The following PRICKLE2 variants were observed in gnomAD, a reference collection of about 807,000 sequenced individuals.
PRICKLE2 encodes prickle planar cell polarity protein 2, also known as prickle-like protein 2.
Under a neutral mutation model 81.4 loss-of-function variants are expected in PRICKLE2, and 21 were observed. The observed-to-expected ratio is 0.26, with a 90% CI of 0.18 to 0.37. PRICKLE2 has a LOEUF of 0.37. Among genes scored for constraint, PRICKLE2 ranks in the 10% least tolerant of loss-of-function variants. PRICKLE2 has a pLI of 1.00. For missense variants in PRICKLE2, 940 were observed against 1,109.0 expected (o/e 0.85, Z 2.16); for synonymous variants, 456 against 421.5 (o/e 1.08, Z -1.00).
intron 2 of PRICKLE2, among the ~76,000 whole-genome samples, chr3:64,257,873 G>T (rs1466891710): frequency 6.6e-6 from 1 of 152,100 alleles, no homozygotes; most frequent in Non-Finnish European, 1.5e-5. Context: ...AGGTGATTAG[G>T]TCATGAGGAT....
intron 2 of PRICKLE2, among the ~76,000 whole-genome samples, chr3:64,242,090 T>C (rs1338047312): frequency 1.3e-5 from 2 of 152,126 alleles, no homozygotes; most frequent in Non-Finnish European, 2.9e-5. Context: ...AATTATCTTT[T>C]CTCTTTTTTG....
At chr3:64,264,607 A>G (rs1415250905) in intron 2 of PRICKLE2, among the ~76,000 whole-genome samples, 1 of 152,220 alleles carries the variant, frequency 6.6e-6, no homozygotes, top group African/African-American at 2.4e-5. Context: ...TCTAACATCC[A>G]ACTCAACAGA....
intron 1 of PRICKLE2, among the ~76,000 whole-genome samples, chr3:64,222,994 T>C (rs1457809076): frequency 2.6e-5 from 4 of 152,224 alleles, no homozygotes; most frequent in Admixed American, 2.0e-4. Context: ...AATACAGTAG[T>C]TCTGGATAAT....
At chr3:64,265,232 C>T (rs1206783210) in intron 2 of PRICKLE2, among the ~76,000 whole-genome samples, 1 of 152,118 alleles carries the variant, frequency 6.6e-6, no homozygotes, top group African/African-American at 2.4e-5. Context: ...AAAAGAATTC[C>T]TCACCATTCA....
At chr3:64,131,405 C>T (rs1422222281) in intron 7 of PRICKLE2, among the ~76,000 whole-genome samples, 1 of 152,206 alleles carries the variant, frequency 6.6e-6, no homozygotes, top group East Asian at 1.9e-4. Flanking sequence ...TAAGGACCAA[C>T]AGAAATATCC....
intron 2 of PRICKLE2, among the ~76,000 whole-genome samples, chr3:64,233,283 A>G (rs1295536746): frequency 2.7e-5 from 4 of 148,476 alleles, no homozygotes; most frequent in South Asian, 2.1e-4. Context: ...CCTTCAGTCT[A>G]TTCACAAAAC....
chr3:64,231,844 G>T (rs2079109350), intron 2 of PRICKLE2, among the ~76,000 whole-genome samples: 1 of 152,148 alleles, frequency 6.6e-6, no homozygotes. Context: ...GAGGATAAAA[G>T]AATGATGCAA....
At chr3:64,153,420 T>A (rs761531163) in intron 5 of PRICKLE2, 52 bp from the exon 6 acceptor site, 4 of 1,580,590 alleles carry the variant, frequency 2.5e-6, no homozygotes, top group Non-Finnish European at 3.5e-6. Flanking sequence ...CCAGAACATA[T>A]TTTAAAGGAA....
At chr3:64,182,681 A>G (rs1207300141) in intron 2 of PRICKLE2, 1 of 152,108 alleles carries the variant, frequency 6.6e-6, no homozygotes, top group Non-Finnish European at 1.5e-5. Context: ...TGAGAGAATA[A>G]ATTTCTGGTC....
intron 1 of PRICKLE2, among the ~76,000 whole-genome samples, chr3:64,223,424 A>G (rs1172089332): frequency 6.6e-6 from 1 of 152,146 alleles, no homozygotes; most frequent in African/African-American, 2.4e-5. Flanking sequence ...ATCTCATACT[A>G]TCTAACCTCT....
chr3:64,225,439 G>A lies in PRICKLE2; in HGVS notation c.-570C>T. The A allele has an allele frequency of 1.1e-6, 1 of 945,570 alleles. No homozygotes were observed. The highest frequency in any genetic ancestry group is 1.2e-6 in the Non-Finnish European group (1 of 810,972). The allele number at this position is 945,570 out of a possible 1,614,324, so 58.6% of individuals were successfully genotyped here. On this transcript the variant is annotated 5_prime_UTR_variant, in exon 1 of 8. Transcript: ENST00000638394. Reference sequence around the variant, plus strand: ...ATAATAACTCTCGGTGGCGCTGCTGGTGGTGCCTGAGAAGTCGCTGTTGCA... The same window carrying A: ...ATAATAACTCTCGGTGGCGCTGCTGATGGTGCCTGAGAAGTCGCTGTTGCA...
Position 64,097,507 on chromosome 3 carries a change from A to G in PRICKLE2, c.*1544T>C, listed in dbSNP as rs1025460502. On this transcript the variant is annotated 3_prime_UTR_variant, in exon 8 of 8. Transcript: ENST00000638394. ...GGGGAGGAGGAGGATGGAAGAAACCAAGTGCTTCATTTTTAACTGAAGCAA... is the reference window on the plus strand; with the variant it reads ...GGGGAGGAGGAGGATGGAAGAAACCGAGTGCTTCATTTTTAACTGAAGCAA... 2 of 152,626 alleles carry G rather than the reference A, an allele frequency of 1.3e-5. No homozygotes were observed. Among genetic ancestry groups the G allele is most frequent in the South Asian group, 2.1e-4 (1 of 4,822 alleles). The allele number at this position is 152,626 out of a possible 1,614,324, so 9.5% of individuals were successfully genotyped here. A position where few individuals can be genotyped will look rare whatever the true frequency, so the allele number is the denominator to read the frequency against.
intron 1 of PRICKLE2, among the ~76,000 whole-genome samples, chr3:64,208,985 CATCT>C (rs1406133544): frequency 3.3e-5 from 5 of 151,888 alleles, no homozygotes; most frequent in South Asian, 2.1e-4. Flanking sequence ...TCCATCCACC[CATCT>C]ATCTATTCAT....
chr3:64,216,576 C>T (rs570638753), intron 1 of PRICKLE2, among the ~76,000 whole-genome samples: 153 of 152,338 alleles, frequency 1.0e-3, no homozygotes, highest in African/African-American at 3.3e-3. Context: ...GATGCTGCAT[C>T]TTAGCAATTC....
intron 2 of PRICKLE2, among the ~76,000 whole-genome samples, chr3:64,239,837 T>C (rs2079235989): frequency 6.6e-6 from 1 of 151,436 alleles, no homozygotes; most frequent in African/African-American, 2.4e-5. Context: ...ATGTAGGGCT[T>C]GGTGCTGTGG....
At chr3:64,111,718 A>G (rs777921090) in intron 7 of PRICKLE2, among the ~76,000 whole-genome samples, 1 of 152,186 alleles carries the variant, frequency 6.6e-6, no homozygotes, top group East Asian at 1.9e-4. Flanking sequence ...ACCCCAAATC[A>G]TCTATGCTGT....
rs564949174 is a variant in PRICKLE2 at position 64,213,162 on chromosome 3, C to T, written c.-41+11748G>A. Among the ~76,000 whole-genome samples the T allele has an allele frequency of 5.0e-4, 75 of 151,504 alleles. No individual in the cohort carries two copies. The South Asian group carries it at 0.015, about 30-fold the overall frequency. On this transcript the variant is annotated intron_variant, in intron 1 of 7. Coordinates refer to ENST00000638394, the MANE Select transcript of PRICKLE2 (RefSeq NM_198859.4). ...CGCAATCTCGGCTCACTGCAACCTC[C>T]GCTTCCCGGGTTCAAGCAATTCTCC...
intron 2 of PRICKLE2, among the ~76,000 whole-genome samples, chr3:64,264,484 A>C (rs2079667566): frequency 6.6e-6 from 1 of 152,162 alleles, no homozygotes; most frequent in African/African-American, 2.4e-5. Flanking sequence ...TGCTTGGCAA[A>C]AGCTCAGTAA....
At chr3:64,116,678 G>A (rs181435158) in intron 7 of PRICKLE2, among the ~76,000 whole-genome samples, 74 of 152,090 alleles carry the variant, frequency 4.9e-4, no homozygotes, top group African/African-American at 1.6e-3. Flanking sequence ...GACCAATAAT[G>A]AGCTCTGAAA....
Sources: gnomAD v4.1 joint callset for allele counts (sites outside exome capture counted in the v4.1 genomes callset) on GRCh38, gnomAD v4.1.1 for gene constraint, MANE v1.5 for transcripts, NCBI Gene and HGNC (gene_info 2026-07-23, HGNC 2026-07-21) for gene names.